UHRF2: variants seen among roughly 807,000 people sequenced by gnomAD.
The protein encoded by UHRF2 is E3 ubiquitin-protein ligase UHRF2.
In UHRF2, 23 loss-of-function variants were observed where a neutral mutation model predicts 96.8. The ratio of observed to expected loss-of-function variants is 0.24; its 90% confidence interval spans 0.17 to 0.34. The LOEUF is 0.34. Among genes scored for constraint, UHRF2 ranks in the 10% least tolerant of loss-of-function variants. The pLI is 1.00. For missense variants in UHRF2, 685 were observed against 981.5 expected (o/e 0.70, Z 4.04); for synonymous variants, 385 against 332.6 (o/e 1.16, Z -1.72).
chr9:6,464,555 C>A (rs1160747070), intron 4 of UHRF2, among the ~76,000 whole-genome samples: 1 of 151,900 alleles, frequency 6.6e-6, no homozygotes, highest in African/African-American at 2.4e-5. Context: ...TTCTTTAGGT[C>A]TTTAATTGAC....
Position 6,506,308 on chromosome 9 carries a change from C to A in UHRF2, c.*129C>A. 4 of 1,194,768 alleles carry A rather than the reference C, an allele frequency of 3.3e-6. No homozygotes were observed. Among genetic ancestry groups the A allele is most frequent in the Non-Finnish European group, 3.5e-6 (3 of 863,110 alleles). 74.0% of individuals were successfully genotyped at this position (1,194,768 alleles called of 1,614,324 possible). Reference sequence around the variant, plus strand: ...CTGAAGCAGCTAATCCTCTTTCCCACATAGCCATCATCTTGTGTGTGTAGT... The same window carrying A: ...CTGAAGCAGCTAATCCTCTTTCCCAAATAGCCATCATCTTGTGTGTGTAGT... On this transcript the variant is annotated 3_prime_UTR_variant, in exon 16 of 16. Transcript: ENST00000276893.
chr9:6,495,268 G>C (rs1437909150), intron 10 of UHRF2: 1 of 152,172 alleles, frequency 6.6e-6, no homozygotes, highest in Non-Finnish European at 1.5e-5. Context: ...TTGACAAGCA[G>C]TAAACATGTT....
chr9:6,460,627 T>C lies in UHRF2; in HGVS notation c.699T>C (p.Ala233=), dbSNP rs1200264109. 1.2e-6 allele frequency: 2 copies of C among 1,612,928 alleles called. No individual in the cohort carries two copies. The highest frequency in any genetic ancestry group is 2.2e-5 in the East Asian group (1 of 44,850). The change falls in exon 4 of 16, where the codon GCT becomes GCC. Residue 233 remains alanine, a synonymous_variant. Coordinates refer to ENST00000276893, the MANE Select transcript of UHRF2 (RefSeq NM_152896.3). ...EMNVKDLRPR[A]RTILKWNELN... is the part of the protein sequence containing the mutation. ...ATGTCAAGGATCTTAGACCACGAGC[T>C]AGAACCATTTTGAAATGGAATGAAC...
At chr9:6,476,007 A>G (rs544695795) in intron 5 of UHRF2, among the ~76,000 whole-genome samples, 3 of 152,254 alleles carry the variant, frequency 2.0e-5, no homozygotes, top group South Asian at 2.1e-4. Context: ...TTTGCACCCT[A>G]TAGCCAACCC....
chr9:6,429,055 C>T (rs577398472), intron 2 of UHRF2, among the ~76,000 whole-genome samples: 1 of 152,206 alleles, frequency 6.6e-6, no homozygotes, highest in East Asian at 1.9e-4. Flanking sequence ...ATCCCAGCTA[C>T]TCAGGAGGCT....
intron 3 of UHRF2, among the ~76,000 whole-genome samples, chr9:6,455,359 A>G (rs978647549): frequency 5.3e-5 from 8 of 152,028 alleles, no homozygotes; most frequent in South Asian, 2.1e-4. Context: ...TCATTGTTCA[A>G]TTCCCACCTA....
At chr9:6,422,402 C>T (rs1392387213) in intron 2 of UHRF2, among the ~76,000 whole-genome samples, 4 of 151,872 alleles carry the variant, frequency 2.6e-5, no homozygotes, top group African/African-American at 9.7e-5. Flanking sequence ...CTCCCTTTCT[C>T]CTATCTCCCC....
chr9:6,448,294 T>A (rs888245106), intron 3 of UHRF2, among the ~76,000 whole-genome samples: 2 of 151,990 alleles, frequency 1.3e-5, no homozygotes, highest in African/African-American at 4.8e-5. Context: ...GAAAACACAG[T>A]TGTGGAAGGA....
chr9:6,498,326 T>C, intron 12 of UHRF2, 168 bp downstream of exon 12: 3 of 726,810 alleles, frequency 4.1e-6, no homozygotes, highest in Non-Finnish European at 6.0e-6. Context: ...AAAGGTAGTA[T>C]CCTAGATGTC....
Position 6,505,985 on chromosome 9 carries a change from A to T in UHRF2, c.2263-48A>T, listed in dbSNP as rs1041303844. 9 of 1,605,346 alleles carry T rather than the reference A, an allele frequency of 5.6e-6. No homozygotes were observed. In the Admixed American group the frequency reaches 1.3e-4, roughly 24 times the overall value. ...TAAAAGCATAAGTTGCTGAGTACTT[A>T]CATGCTTTATGCTCAGATTAAATTG... On this transcript the variant is annotated intron_variant, in intron 15 of 15. Coordinates refer to ENST00000276893, the MANE Select transcript of UHRF2 (RefSeq NM_152896.3).
At chr9:6,505,315 T>G (rs1376043755) in intron 15 of UHRF2, among the ~76,000 whole-genome samples, 1 of 152,048 alleles carries the variant, frequency 6.6e-6, no homozygotes, top group East Asian at 1.9e-4. Context: ...ATATATTTTT[T>G]GACGGAATCT....
At chr9:6,438,600 A>G (rs1451547858) in intron 3 of UHRF2, among the ~76,000 whole-genome samples, 1 of 152,216 alleles carries the variant, frequency 6.6e-6, no homozygotes, top group African/African-American at 2.4e-5. Flanking sequence ...TGTAGTTTGA[A>G]CAAGCTGTCA....
intron 4 of UHRF2, among the ~76,000 whole-genome samples, chr9:6,461,897 G>T (rs998535230): frequency 2.6e-5 from 4 of 151,364 alleles, no homozygotes; most frequent in South Asian, 4.2e-4. Context: ...AAACATCCTT[G>T]TATATGCATT....
At chr9:6,483,609 T>C (rs918521060) in intron 8 of UHRF2, among the ~76,000 whole-genome samples, 1 of 152,218 alleles carries the variant, frequency 6.6e-6, no homozygotes, top group Non-Finnish European at 1.5e-5. Context: ...CTGTAATACA[T>C]AAAAATGGCT....
chr9:6,487,292 G>C (rs574601302), intron 9 of UHRF2, among the ~76,000 whole-genome samples: 1 of 144,832 alleles, frequency 6.9e-6, no homozygotes, highest in South Asian at 2.3e-4. Context: ...GGGTTCAAGT[G>C]ATTTTCCTGC....
At chr9:6,438,006 C>G (rs185548929) in intron 3 of UHRF2, among the ~76,000 whole-genome samples, 90 of 152,298 alleles carry the variant, frequency 5.9e-4, no homozygotes, top group African/African-American at 2.1e-3. Flanking sequence ...TCCTCCAGCT[C>G]TCATGCCTTA....
rs191888764 is a variant in UHRF2 at position 6,463,513 on chromosome 9, C to G, written c.863+2722C>G. Among the ~76,000 whole-genome samples the G allele has an allele frequency of 6.8e-4, 103 of 151,744 alleles. No homozygotes were observed. The East Asian group carries it at 0.019, about 28-fold the overall frequency. ...GGAGATGGGGTCTCGCTCTGTTGCC[C>G]AGGCTGCATAGCAGTGGCACAATCC... On this transcript the variant is annotated intron_variant, in intron 4 of 15. Transcript: ENST00000276893.
rs1487016351 is a variant in UHRF2, at chr9:6,429,165, A to AG, written c.385-4747dup. Among the ~76,000 whole-genome samples the AG allele has an allele frequency of 3.3e-5, 5 of 151,654 alleles. No homozygotes were observed. The East Asian group carries it at 9.7e-4, about 29-fold the overall frequency. On this transcript the variant is annotated intron_variant, in intron 2 of 15. Coordinates refer to ENST00000276893, the MANE Select transcript of UHRF2 (RefSeq NM_152896.3). ...GGGCAACAGAGCAAGACTCTGTCTC[A>AG]GGAAAAAAAAAAAAAGGAAGATGGT...
At chr9:6,499,045 T>C (rs1339746484) in intron 12 of UHRF2, 1 of 152,226 alleles carries the variant, frequency 6.6e-6, no homozygotes, top group African/African-American at 2.4e-5. Flanking sequence ...ATAATTCTTT[T>C]TAATATAAAA....
Sources: allele counts gnomAD v4.1 joint callset (sites outside exome capture counted in the v4.1 genomes callset), GRCh38; gene constraint gnomAD v4.1.1; transcripts MANE v1.5; gene names NCBI Gene and HGNC (gene_info 2026-07-23, HGNC 2026-07-21).